The following UGGT1 variants were observed in gnomAD, a reference collection of about 807,000 sequenced individuals.
UGGT1 encodes the protein UDP-glucose glycoprotein glucosyltransferase 1, also known as UDP-glucose:glycoprotein glucosyltransferase 1.
A neutral mutation model predicts 203.9 loss-of-function variants in UGGT1; 107 were observed. That is an observed-to-expected ratio of 0.52 (90% CI 0.45 to 0.62). UGGT1 has a LOEUF of 0.62. Among genes scored for constraint, UGGT1 ranks in the 20% least tolerant of loss-of-function variants. The probability of loss-of-function intolerance (pLI) is 0.00; values close to 1 mark genes in which losing one functional copy is unlikely to be tolerated. For missense variants in UGGT1, 1,673 were observed against 1,867.2 expected, an observed-to-expected ratio of 0.90 and a Z score of 1.92; for synonymous variants, 628 against 653.5, an observed-to-expected ratio of 0.96 and a Z score of 0.59.
At chr2:128,133,571 A>G (rs1198459966) in intron 14 of UGGT1, among the ~76,000 whole-genome samples, 1 of 151,966 alleles carries the variant, frequency 6.6e-6, no homozygotes, top group Non-Finnish European at 1.5e-5. Context: ...TAATTTTTTA[A>G]TTTTTATTTT....
At chr2:128,098,984 A>T (rs1345293800) in intron 2 of UGGT1, among the ~76,000 whole-genome samples, 1 of 152,168 alleles carries the variant, frequency 6.6e-6, no homozygotes, top group Non-Finnish European at 1.5e-5. Flanking sequence ...AGTGATGTAG[A>T]GGTGGAACTA....
Position 128,190,500 on chromosome 2 carries a change from A to G in UGGT1, c.*758A>G, listed in dbSNP as rs1692207506. 6.6e-6 allele frequency: 1 copy of G among 152,144 alleles called. No homozygotes were observed. The highest frequency in any genetic ancestry group is 2.4e-5 in the African/African-American group (1 of 41,414). The allele number at this position is 152,144 out of a possible 1,614,324, so 9.4% of individuals were successfully genotyped here. On this transcript the variant is annotated 3_prime_UTR_variant, in exon 41 of 41. Coordinates refer to ENST00000259253, the MANE Select transcript of UGGT1 (RefSeq NM_020120.4). ...ATGGCTCATTTGAAATGAAAATATT[A>G]CACTTATTCCCCACCCAACCGCAGT...
At chr2:128,103,248 A>G (rs1200140091) in intron 2 of UGGT1, 2 of 339,310 alleles carry the variant, frequency 5.9e-6, no homozygotes, top group Non-Finnish European at 1.2e-5. Flanking sequence ...GACATGAATC[A>G]TTCAATTACT....
intron 18 of UGGT1, among the ~76,000 whole-genome samples, chr2:128,149,796 A>G (rs552456276): frequency 6.6e-6 from 1 of 150,548 alleles, no homozygotes; most frequent in Non-Finnish European, 1.5e-5. Flanking sequence ...AAGAAAAAAA[A>G]AAAATAATAA....
At chr2:128,113,346 A>C in intron 6 of UGGT1, 88 bp downstream of exon 6, 1 of 1,111,090 alleles carries the variant, frequency 9.0e-7, no homozygotes, top group Non-Finnish European at 1.2e-6. Flanking sequence ...CCTCTTTATA[A>C]AAAAATCTAG....
rs951398518 is a variant in UGGT1 at position 128,181,997 on chromosome 2, G to A, written c.4084-133G>A. 12 of 749,704 alleles carry A rather than the reference G, an allele frequency of 1.6e-5. No individual in the cohort carries two copies. In the Admixed American group the frequency reaches 2.1e-4, roughly 13 times the overall value. The allele number at this position is 749,704 out of a possible 1,614,324, so 46.4% of individuals were successfully genotyped here. ...TAAGTGGAGCAATCAAAGTGCATCT[G>A]CCCCTAGTGCCTGTGCCACTAACCA... On this transcript the variant is annotated intron_variant, in intron 36 of 40. Coordinates refer to ENST00000259253, the MANE Select transcript of UGGT1 (RefSeq NM_020120.4).
chr2:128,133,395 T>A, intron 14 of UGGT1, 135 bp downstream of exon 14: 1 of 1,210,442 alleles, frequency 8.3e-7, no homozygotes, highest in Non-Finnish European at 1.2e-6. Context: ...TACTCTTCCC[T>A]GTTCACACTG....
chr2:128,108,920 T>C (rs1687725797), intron 4 of UGGT1, among the ~76,000 whole-genome samples: 1 of 152,124 alleles, frequency 6.6e-6, no homozygotes, highest in Admixed American at 6.6e-5. Context: ...TTCATTTTTC[T>C]TTATTTTGTG....
intron 37 of UGGT1, 139 bp downstream of exon 37, chr2:128,182,429 G>C (rs948476577): frequency 8.7e-7 from 1 of 1,143,950 alleles, no homozygotes; most frequent in East Asian, 2.7e-5. Flanking sequence ...GCTGGGTGCA[G>C]TGGCTCATGC....
At chr2:128,092,850 T>C (rs2105322015) in intron 1 of UGGT1, among the ~76,000 whole-genome samples, 3 of 152,218 alleles carry the variant, frequency 2.0e-5, no homozygotes, top group Non-Finnish European at 4.4e-5. Context: ...CTAGAACTTG[T>C]TAAAGAGTGT....
At chr2:128,159,277 T>C (rs940027536) in intron 22 of UGGT1, among the ~76,000 whole-genome samples, 1 of 151,678 alleles carries the variant, frequency 6.6e-6, no homozygotes. Context: ...TCTTTTGTAT[T>C]TTTAGTAGAG....
In UGGT1 at chr2:128,190,640, C is replaced by T. The variant is rs1429580626; in HGVS notation, c.*898C>T. The T allele has an allele frequency of 6.6e-6, 1 of 152,270 alleles. No individual in the cohort carries two copies. Among genetic ancestry groups the T allele is most frequent in the African/African-American group, 2.4e-5 (1 of 41,458 alleles). The allele number at this position is 152,270 out of a possible 1,614,324, so 9.4% of individuals were successfully genotyped here. Reference sequence around the variant, plus strand: ...AGTTTCCTTACTGAATACAGCCATACTCAGCCCCTCTCGCATCCAGCCCGT... The same window carrying T: ...AGTTTCCTTACTGAATACAGCCATATTCAGCCCCTCTCGCATCCAGCCCGT... On this transcript the variant is annotated 3_prime_UTR_variant, in exon 41 of 41. Coordinates refer to ENST00000259253, the MANE Select transcript of UGGT1 (RefSeq NM_020120.4).
intron 11 of UGGT1, among the ~76,000 whole-genome samples, chr2:128,126,381 C>T (rs7600185): frequency 0.89 from 135,253 of 151,826 alleles, 61,223 homozygotes; most frequent in Non-Finnish European, 0.98. Context: ...GCTAGAATTA[C>T]AGGTACCTGC....
At chr2:128,133,966 G>A (rs1013946943) in intron 14 of UGGT1, among the ~76,000 whole-genome samples, 1 of 152,018 alleles carries the variant, frequency 6.6e-6, no homozygotes, top group Non-Finnish European at 1.5e-5. Flanking sequence ...GGTAGGGTTA[G>A]TGCCAAGGTT....
intron 1 of UGGT1, among the ~76,000 whole-genome samples, chr2:128,093,525 C>G (rs1686969231): frequency 6.6e-6 from 1 of 152,214 alleles, no homozygotes. Context: ...TCGGTCCCAG[C>G]TTCAGGCCTC....
At chr2:128,178,699 C>T (rs1691526300) in intron 34 of UGGT1, 130 bp downstream of exon 34, 2 of 764,524 alleles carry the variant, frequency 2.6e-6, no homozygotes, top group South Asian at 3.7e-5. Context: ...AGCATTGTGA[C>T]TGGCTTGCCA....
At chr2:128,121,345 G>A (rs747909862) in intron 10 of UGGT1, 47 bp downstream of exon 10, 10 of 1,352,974 alleles carry the variant, frequency 7.4e-6, no homozygotes, top group African/African-American at 1.5e-5. Context: ...CCCAGTCATC[G>A]TCATGTTCAC....
chr2:128,092,951 T>A (rs2105322284), intron 1 of UGGT1, among the ~76,000 whole-genome samples: 1 of 152,344 alleles, frequency 6.6e-6, no homozygotes, highest in African/African-American at 2.4e-5. Context: ...ACTGTTTGTC[T>A]TTATAAGCAA....
chr2:128,127,286 G>C, intron 11 of UGGT1, 75 bp from the exon 12 acceptor site: 1 of 1,020,520 alleles, frequency 9.8e-7, no homozygotes, highest in Non-Finnish European at 1.5e-6. Flanking sequence ...TGTACAGGTA[G>C]TGAAGCCCAG....
Sources: allele counts gnomAD v4.1 joint callset (sites outside exome capture counted in the v4.1 genomes callset), GRCh38; gene constraint gnomAD v4.1.1; transcripts MANE v1.5; gene names NCBI Gene and HGNC (gene_info 2026-07-23, HGNC 2026-07-21).